ZNF107: variants seen among roughly 807,000 people sequenced by gnomAD.
ZNF107 encodes zinc finger protein 107.
ZNF107 carries 19 observed loss-of-function variants against 12.3 expected under a neutral mutation model. That is an observed-to-expected ratio of 1.55 (90% confidence interval 1.08 to 2.27). The LOEUF is 2.27. ZNF107 is among the 30% of genes most tolerant of loss of function. ZNF107 has a pLI of 0.00. For missense variants in ZNF107, 958 were observed against 979.9 expected, an observed-to-expected ratio of 0.98 and a Z score of 0.30; for synonymous variants, 317 against 330.5, an observed-to-expected ratio of 0.96 and a Z score of 0.44.
At chr7:64,680,565 G>T (rs1789620419) in intron 1 of ZNF107, among the ~76,000 whole-genome samples, 1 of 152,108 alleles carries the variant, frequency 6.6e-6, no homozygotes, top group Non-Finnish European at 1.5e-5. Flanking sequence ...TGCGTATAAG[G>T]CTGTCAATTA....
In ZNF107 at chr7:64,706,749, A is replaced by G. The variant is rs1272213515; in HGVS notation, c.652A>G (p.Lys218Glu). The change falls in exon 4 of 4, where the codon AAA (lysine) becomes GAA (glutamate). Residue 218 changes from lysine to glutamate, a missense_variant. Lys to Glu is a moderately conservative substitution (Grantham distance 56). Transcript: ENST00000620827. ...KAFNWFSTLTKHKRIHTGEKP... is the reference protein window; with the variant it reads ...KAFNWFSTLTEHKRIHTGEKP... ...CTTTAACTGGTTCTCAACTCTTACT[A>G]AACATAAGAGAATTCATACTGGAGA... 2 of 1,612,936 alleles carry G rather than the reference A, an allele frequency of 1.2e-6. No individual in the cohort carries two copies. The highest frequency in any genetic ancestry group is 1.3e-5 in the African/African-American group (1 of 74,986).
chr7:64,678,533 G>A (rs931150265), intron 1 of ZNF107, among the ~76,000 whole-genome samples: 1 of 152,014 alleles, frequency 6.6e-6, no homozygotes, highest in Admixed American at 6.6e-5. Flanking sequence ...TAAATGTAAG[G>A]CCACAATATT....
At position 64,708,984 on chromosome 7, in the gene ZNF107, G is replaced by A; in HGVS notation, c.*328G>A. On this transcript the variant is annotated 3_prime_UTR_variant, in exon 4 of 4. Transcript: ENST00000620827. ...ATACAAATGAGAAGAATGTGGCAAT[G>A]CCTTTAATCAGTCCTCACACCTTTC... 4.3e-6 allele frequency: 2 copies of A among 461,628 alleles called. No individual in the cohort carries two copies. Among genetic ancestry groups the A allele is most frequent in the South Asian group, 2.1e-5 (1 of 48,126 alleles). 28.6% of individuals were successfully genotyped at this position (461,628 alleles called of 1,614,324 possible). A position where few individuals can be genotyped will look rare whatever the true frequency, so the allele number is the denominator to read the frequency against.
At chr7:64,684,479 A>G (rs1789819380) in intron 1 of ZNF107, 1 of 684,010 alleles carries the variant, frequency 1.5e-6, no homozygotes, top group African/African-American at 2.0e-5. Context: ...GATCCTCCTC[A>G]GTGGATTCAC....
rs141980471 is a variant in ZNF107, at chr7:64,700,506, C to CTTTTTTT, written c.227-5795_227-5789dup. On this transcript the variant is annotated intron_variant, in intron 3 of 3. Transcript: ENST00000620827. ...GTCTGTCAAACCAAGCCAAATAAAC[C>CTTTTTTT]TTTTTTTTTTTTTTTTTTTTTTTTT... is the stretch of plus-strand genomic sequence containing the variant. Among the ~76,000 whole-genome samples the CTTTTTTT allele has an allele frequency of 6.5e-4, 43 of 66,250 alleles. 4 individuals carry two copies. Among genetic ancestry groups the CTTTTTTT allele is most frequent in the East Asian group, 2.3e-3 (4 of 1,726 alleles). The allele number at this position is 66,250 out of a possible 152,430, so 43.5% of individuals were successfully genotyped here. A position where few individuals can be genotyped will look rare whatever the true frequency, so the allele number is the denominator to read the frequency against.
Position 64,708,797 on chromosome 7 carries a change from A to G in ZNF107, c.*141A>G. 1 of 820,864 alleles carries G rather than the reference A, an allele frequency of 1.2e-6. No homozygotes were observed. Among genetic ancestry groups the G allele is most frequent in the Non-Finnish European group, 1.9e-6 (1 of 532,590 alleles). The allele number at this position is 820,864 out of a possible 1,614,324, so 50.8% of individuals were successfully genotyped here. A position where few individuals can be genotyped will look rare whatever the true frequency, so the allele number is the denominator to read the frequency against. On this transcript the variant is annotated 3_prime_UTR_variant, in exon 4 of 4. Transcript: ENST00000620827. ...TTTTATACTGGTGAGAAACCTTACA[A>G]TGTAAAGAATGTGGCACAGCTTTTA...
Position 64,707,160 on chromosome 7 carries a change from A to C in ZNF107, c.1063A>C (p.Asn355His), listed in dbSNP as rs755099053. The change falls in exon 4 of 4, where the codon AAC becomes CAC. Residue 355 changes from asparagine to histidine, a missense_variant. Transcript: ENST00000620827. Reference sequence around the variant, plus strand: ...TGGCAGAGCTTTTAACATATCCTCAAACCTTAATAAACAGGAGAAAATTCA... The same window carrying C: ...TGGCAGAGCTTTTAACATATCCTCACACCTTAATAAACAGGAGAAAATTCA... ...ECGRAFNISSNLNKQEKIHTG... is the reference protein window; with the variant it reads ...ECGRAFNISSHLNKQEKIHTG... 10 of 1,613,738 alleles carry C rather than the reference A, an allele frequency of 6.2e-6. No individual in the cohort carries two copies. The East Asian group carries it at 2.0e-4, about 32-fold the overall frequency.
At chr7:64,675,536 A>G (rs1017076430) in intron 1 of ZNF107, among the ~76,000 whole-genome samples, 4 of 151,960 alleles carry the variant, frequency 2.6e-5, no homozygotes, top group African/African-American at 9.7e-5. Flanking sequence ...TAATTTTTTC[A>G]AAGATTTAAC....
chr7:64,671,556 C>T (rs1789222043), intron 1 of ZNF107, among the ~76,000 whole-genome samples: 1 of 152,176 alleles, frequency 6.6e-6, no homozygotes, highest in African/African-American at 2.4e-5. Flanking sequence ...AGAGGACAGC[C>T]CCATCTGGGC....
Position 64,707,608 on chromosome 7 carries a change from C to A in ZNF107, c.1511C>A (p.Thr504Asn). The change falls in exon 4 of 4, where the codon ACT becomes AAT. Residue 504 changes from threonine (T) to asparagine (N), a missense_variant. Transcript: ENST00000620827. ...STLTRHKKIHTGEKPYKCEEC... is the reference protein window; with the variant it reads ...STLTRHKKIHNGEKPYKCEEC... ...CTTACTAGACATAAGAAAATTCATA[C>A]TGGAGAGAAACCCTACAAATGTGAA... is the stretch of plus-strand genomic sequence containing the variant. 1 of 1,612,666 alleles carries A rather than the reference C, an allele frequency of 6.2e-7. No homozygotes were observed. The highest frequency in any genetic ancestry group is 1.7e-4 in the Middle Eastern group (1 of 6,048).
chr7:64,706,022 T>C (rs1218292690), intron 3 of ZNF107, among the ~76,000 whole-genome samples: 1 of 151,874 alleles, frequency 6.6e-6, no homozygotes, highest in African/African-American at 2.4e-5. Flanking sequence ...CTATGTTATA[T>C]TGGGGAACAG....
chr7:64,681,193 A>G (rs1038371803), intron 1 of ZNF107, among the ~76,000 whole-genome samples: 1 of 151,994 alleles, frequency 6.6e-6, no homozygotes, highest in Admixed American at 6.6e-5. Flanking sequence ...ATGGACCATC[A>G]TGGACCTCGG....
intron 3 of ZNF107, among the ~76,000 whole-genome samples, chr7:64,696,879 A>G (rs907643207): frequency 6.6e-6 from 1 of 151,950 alleles, no homozygotes; most frequent in Non-Finnish European, 1.5e-5. Context: ...CAGGTTTGTT[A>G]CATATGTGTA....
intron 3 of ZNF107, among the ~76,000 whole-genome samples, chr7:64,700,506 C>CTTCT (rs1790440525): frequency 1.5e-5 from 1 of 66,226 alleles, no homozygotes; most frequent in Non-Finnish European, 2.6e-5. Context: ...CCAAATAAAC[C>CTTCT]TTTTTTTTTT....
intron 1 of ZNF107, chr7:64,686,785 CTT>C: frequency 1.2e-6 from 1 of 861,402 alleles, no homozygotes; most frequent in South Asian, 5.3e-5. Context: ...CCACCCGCCA[CTT>C]TGCCCTGTAA....
chr7:64,672,472 TA>T (rs1789269726), intron 1 of ZNF107, among the ~76,000 whole-genome samples: 1 of 152,166 alleles, frequency 6.6e-6, no homozygotes, highest in African/African-American at 2.4e-5. Flanking sequence ...TCCTCCTACC[TA>T]AGCCCTCCAA....
At chr7:64,673,291 C>G (rs1789303183) in intron 1 of ZNF107, among the ~76,000 whole-genome samples, 1 of 152,224 alleles carries the variant, frequency 6.6e-6, no homozygotes, top group Non-Finnish European at 1.5e-5. Context: ...ATCCACCCGC[C>G]TTGGCCTCCC....
At chr7:64,689,142 G>T (rs958472756) in intron 1 of ZNF107, among the ~76,000 whole-genome samples, 1 of 152,080 alleles carries the variant, frequency 6.6e-6, no homozygotes, top group Non-Finnish European at 1.5e-5. Flanking sequence ...TATTTAGAAT[G>T]TGCTAGAGCA....
intron 1 of ZNF107, chr7:64,687,124 A>G (rs1184446391): frequency 1.0e-6 from 1 of 984,960 alleles, no homozygotes; most frequent in Non-Finnish European, 1.2e-6. Flanking sequence ...CCCTCTCAAT[A>G]TAATCATTTT....
Sources: allele counts gnomAD v4.1 joint callset (sites outside exome capture counted in the v4.1 genomes callset), GRCh38; gene constraint gnomAD v4.1.1; transcripts MANE v1.5; gene names NCBI Gene and HGNC (gene_info 2026-07-23, HGNC 2026-07-21).